The following PDZRN3 variants were observed in gnomAD, a reference collection of about 807,000 sequenced individuals.
The protein encoded by PDZRN3 is E3 ubiquitin-protein ligase PDZRN3.
In PDZRN3, 38 loss-of-function variants were observed where a neutral mutation model predicts 85.7. The ratio of observed to expected loss-of-function variants is 0.44; its 90% CI spans 0.34 to 0.58. The LOEUF (loss-of-function observed/expected upper bound fraction) is 0.58, where lower values mean the gene tolerates loss of function less well. PDZRN3 is among the 20% of genes least tolerant of loss of function. The pLI, the probability that PDZRN3 is intolerant of heterozygous loss-of-function variation, is 0.01. For synonymous variants in PDZRN3, 759 were observed against 638.0 expected (o/e 1.19, Z -2.86); for missense variants, 1,629 against 1,506.4 (o/e 1.08, Z -1.35).
intron 3 of PDZRN3, among the ~76,000 whole-genome samples, chr3:73,487,370 G>A (rs1703683490): frequency 6.6e-6 from 1 of 152,070 alleles, no homozygotes; most frequent in Non-Finnish European, 1.5e-5. Context: ...ACCAATATAA[G>A]TACTTAAATA....
chr3:73,455,715 C>T (rs1207556271), intron 3 of PDZRN3, among the ~76,000 whole-genome samples: 45 of 152,184 alleles, frequency 3.0e-4, no homozygotes, highest in Admixed American at 2.7e-3. Context: ...AATAATAGAT[C>T]GTTTTTCTCT....
chr3:73,408,003 A>G (rs977201924), intron 3 of PDZRN3: 2 of 608,502 alleles, frequency 3.3e-6, no homozygotes, highest in African/African-American at 3.7e-5. Flanking sequence ...CCCACACAAG[A>G]ATGTCCCCCC....
intron 3 of PDZRN3, among the ~76,000 whole-genome samples, chr3:73,579,634 T>C (rs1702170067): frequency 6.6e-6 from 1 of 152,186 alleles, no homozygotes; most frequent in Non-Finnish European, 1.5e-5. Flanking sequence ...GACTACACTT[T>C]AAAGAGCTTT....
chr3:73,505,832 G>A (rs1179147648), intron 3 of PDZRN3, among the ~76,000 whole-genome samples: 2 of 151,788 alleles, frequency 1.3e-5, no homozygotes, highest in Admixed American at 6.6e-5. Context: ...AAAATTTGAG[G>A]CAAAAAATAA....
rs1303994441 is a variant in PDZRN3 at position 73,510,833 on chromosome 3, AC to A, written c.918+91520del. Among the ~76,000 whole-genome samples, 4 of 152,174 alleles carry A rather than the reference AC, an allele frequency of 2.6e-5. No homozygotes were observed. The East Asian group carries it at 7.7e-4, about 29-fold the overall frequency. ...CAGTAAGAGATTAACAATAAAATAG[AC>A]CAATTAAAACAATATACTGTAATAA... is the stretch of plus-strand genomic sequence containing the variant. On this transcript the variant is annotated intron_variant, in intron 3 of 9. Transcript: ENST00000263666.
At chr3:73,418,663 C>T (rs909026924) in intron 3 of PDZRN3, among the ~76,000 whole-genome samples, 1 of 152,140 alleles carries the variant, frequency 6.6e-6, no homozygotes, top group Non-Finnish European at 1.5e-5. Context: ...AGGAACTGGG[C>T]CCCCGTCCTT....
rs149486671 is a variant in PDZRN3, at chr3:73,471,796, T to A, written c.919-67401A>T. 2.9e-3 allele frequency among the ~76,000 whole-genome samples: 441 copies of A among 152,376 alleles called. 4 individuals carry two copies. Among genetic ancestry groups the A allele is most frequent in the African/African-American group, 9.9e-3 (412 of 41,592 alleles). On this transcript the variant is annotated intron_variant, in intron 3 of 9. Coordinates refer to ENST00000263666, the MANE Select transcript of PDZRN3 (RefSeq NM_015009.3). ...TTTAGCCCCTTCCGTTTAGAATGTTTATTCACAAGAATTCTAATGGATTTG... is the reference window on the plus strand; with the variant it reads ...TTTAGCCCCTTCCGTTTAGAATGTTAATTCACAAGAATTCTAATGGATTTG...
chr3:73,440,544 T>C (rs1702615186), intron 3 of PDZRN3, among the ~76,000 whole-genome samples: 2 of 152,176 alleles, frequency 1.3e-5, no homozygotes, highest in Non-Finnish European at 1.5e-5. Flanking sequence ...CCTTGACTCC[T>C]TGGAGGTCCC....
At chr3:73,396,095 T>C (rs543329633) in intron 5 of PDZRN3, among the ~76,000 whole-genome samples, 1 of 152,098 alleles carries the variant, frequency 6.6e-6, no homozygotes, top group African/African-American at 2.4e-5. Context: ...TGGTGGCACA[T>C]ACCTGTAATC....
chr3:73,624,000 G>A (rs1702913979), intron 1 of PDZRN3, 103 bp downstream of exon 1: 2 of 1,153,660 alleles, frequency 1.7e-6, no homozygotes, highest in South Asian at 3.8e-5. Context: ...AAGCAAGGAT[G>A]TTCCCGGGAA....
At chr3:73,466,716 T>C (rs1291790443) in intron 3 of PDZRN3, among the ~76,000 whole-genome samples, 1 of 152,166 alleles carries the variant, frequency 6.6e-6, no homozygotes, top group Non-Finnish European at 1.5e-5. Flanking sequence ...TGTTTTGATG[T>C]GGATCCAAAA....
chr3:73,520,369 T>G (rs572568739), intron 3 of PDZRN3, among the ~76,000 whole-genome samples: 2 of 152,012 alleles, frequency 1.3e-5, no homozygotes, highest in Non-Finnish European at 2.9e-5. Flanking sequence ...CTGGGTGTGG[T>G]GGCGTGTGCC....
At position 73,448,375 on chromosome 3, in the gene PDZRN3, C is replaced by T. The variant is rs138058314; in HGVS notation, c.919-43980G>A. On this transcript the variant is annotated intron_variant, in intron 3 of 9. Transcript: ENST00000263666. ...TGCTCAGTAGATTTTAGTTTTCTTC[C>T]TTTCTTTTTTACATTTTCACTTTTA... Among the ~76,000 whole-genome samples the T allele has an allele frequency of 5.6e-4, 85 of 152,282 alleles. 1 individual carries two copies. In the East Asian group the frequency reaches 0.013, roughly 22 times the overall value.
At chr3:73,490,627 G>A (rs1304651451) in intron 3 of PDZRN3, among the ~76,000 whole-genome samples, 1 of 152,180 alleles carries the variant, frequency 6.6e-6, no homozygotes, top group African/African-American at 2.4e-5. Flanking sequence ...AAAATGGGGG[G>A]TATGGGCTTA....
Position 73,532,157 on chromosome 3 carries a change from C to T in PDZRN3, c.918+70197G>A, listed in dbSNP as rs566475294. Among the ~76,000 whole-genome samples, 158 of 152,138 alleles carry T rather than the reference C, an allele frequency of 1.0e-3. 1 individual carries two copies. Among genetic ancestry groups the T allele is most frequent in the African/African-American group, 3.3e-3 (137 of 41,478 alleles). On this transcript the variant is annotated intron_variant, in intron 3 of 9. Coordinates refer to ENST00000263666, the MANE Select transcript of PDZRN3 (RefSeq NM_015009.3). Reference sequence around the variant, plus strand: ...CTGGGATTACAGGCGCCCACCACCACGCCCATCTGATTTTCTGTATTTTTT... The same window carrying T: ...CTGGGATTACAGGCGCCCACCACCATGCCCATCTGATTTTCTGTATTTTTT...
rs376878263 is a variant in PDZRN3 at position 73,464,851 on chromosome 3, T to C, written c.919-60456A>G. On this transcript the variant is annotated intron_variant, in intron 3 of 9. Coordinates refer to ENST00000263666, the MANE Select transcript of PDZRN3 (RefSeq NM_015009.3). Reference sequence around the variant, plus strand: ...TAATTAATATATGCATTACCTATCATAGTGGTCATTTTTGTGGTGAGAATA... The same window carrying C: ...TAATTAATATATGCATTACCTATCACAGTGGTCATTTTTGTGGTGAGAATA... Among the ~76,000 whole-genome samples the C allele has an allele frequency of 1.1e-4, 17 of 152,370 alleles. 1 individual carries two copies. The East Asian group carries it at 3.3e-3, about 29-fold the overall frequency.
chr3:73,587,864 T>C (rs1276468809), intron 3 of PDZRN3, among the ~76,000 whole-genome samples: 1 of 152,176 alleles, frequency 6.6e-6, no homozygotes, highest in Non-Finnish European at 1.5e-5. Flanking sequence ...TCCAAGTCAC[T>C]CCATTGTCAA....
intron 3 of PDZRN3, among the ~76,000 whole-genome samples, chr3:73,444,069 A>G (rs754612143): frequency 6.6e-6 from 1 of 151,942 alleles, no homozygotes; most frequent in Admixed American, 6.5e-5. Flanking sequence ...AGCCTTTCCT[A>G]TCTGTCTCCT....
chr3:73,428,655 A>G (rs1237276826), intron 3 of PDZRN3, among the ~76,000 whole-genome samples: 1 of 152,200 alleles, frequency 6.6e-6, no homozygotes, highest in Non-Finnish European at 1.5e-5. Context: ...GGTCCTCTAA[A>G]GCTTTGTGTC....
Sources: allele counts gnomAD v4.1 joint callset (sites outside exome capture counted in the v4.1 genomes callset), GRCh38; gene constraint gnomAD v4.1.1; transcripts MANE v1.5; gene names NCBI Gene and HGNC (gene_info 2026-07-23, HGNC 2026-07-21).